LCOR: variants seen among roughly 807,000 people sequenced by gnomAD.
The protein encoded by LCOR is ligand-dependent corepressor.
In LCOR, 14 loss-of-function variants were observed where a neutral mutation model predicts 64.4. That is an observed-to-expected ratio of 0.22 (90% CI 0.14 to 0.34). LCOR has a LOEUF of 0.34. Among genes scored for constraint, LCOR ranks in the 10% least tolerant of loss-of-function variants. The probability of loss-of-function intolerance (pLI) is 1.00; values close to 1 mark genes in which losing one functional copy is unlikely to be tolerated. For synonymous variants in LCOR, 643 were observed against 642.5 expected, an observed-to-expected ratio of 1.00 and a Z score of -0.01; for missense variants, 1,686 against 1,765.3, an observed-to-expected ratio of 0.96 and a Z score of 0.80.
chr10:96,957,339 AT>A lies in LCOR; in HGVS notation c.332+5144del, dbSNP rs1228168104. ...TGTTTGTATAAGCACTCCTTGAAGA[AT>A]ATCTAAGCTTTTTCTGAGATGGGCT... On this transcript the variant is annotated intron_variant, in intron 7 of 7. Coordinates refer to ENST00000421806, the MANE Select transcript of LCOR (RefSeq NM_001346516.2). The A allele has an allele frequency of 1.1e-5, 11 of 985,080 alleles. No individual in the cohort carries two copies. In the East Asian group the frequency reaches 1.2e-3, roughly 112 times the overall value. The allele number at this position is 985,080 out of a possible 1,614,324, so 61.0% of individuals were successfully genotyped here. A position where few individuals can be genotyped will look rare whatever the true frequency, so the allele number is the denominator to read the frequency against.
At chr10:96,978,431 C>T (rs537078783) in intron 7 of LCOR, among the ~76,000 whole-genome samples, 1 of 152,330 alleles carries the variant, frequency 6.6e-6, no homozygotes, top group Non-Finnish European at 1.5e-5. Flanking sequence ...CTGCTTTCGT[C>T]TTTTCTTTCC....
At chr10:96,840,159 T>C (rs1321932698) in intron 2 of LCOR, among the ~76,000 whole-genome samples, 1 of 152,252 alleles carries the variant, frequency 6.6e-6, no homozygotes, top group African/African-American at 2.4e-5. Flanking sequence ...TGGCCGAATT[T>C]AAGAATCTTT....
At chr10:96,956,509 T>C in intron 7 of LCOR, 1 of 982,818 alleles carries the variant, frequency 1.0e-6, no homozygotes, top group Non-Finnish European at 1.2e-6. Context: ...CATTTATAGT[T>C]ACATTTTATA....
chr10:96,918,354 A>G (rs2134468199), intron 4 of LCOR, among the ~76,000 whole-genome samples: 1 of 152,234 alleles, frequency 6.6e-6, no homozygotes, highest in Admixed American at 6.5e-5. Context: ...AACATACTAC[A>G]ATGGGCTTTG....
intron 7 of LCOR, chr10:96,957,321 A>AT: frequency 1.0e-6 from 1 of 985,204 alleles, no homozygotes; most frequent in Non-Finnish European, 1.2e-6. Context: ...TCATGTTTGT[A>AT]TAAGCACTCC....
chr10:96,888,363 CAAAAAAAAAAAAAAAAAAA>C (rs61076542), intron 2 of LCOR, among the ~76,000 whole-genome samples: 1 of 30,544 alleles, frequency 3.3e-5, no homozygotes, highest in Non-Finnish European at 5.3e-5. Flanking sequence ...GACTCCGTCT[CAAAAAAAAAAAAAAAAAAA>C]AAAAAAAAAG....
At chr10:96,907,358 A>G (rs1200574474) in intron 3 of LCOR, 28 bp downstream of exon 3, 1 of 840,398 alleles carries the variant, frequency 1.2e-6, no homozygotes, top group Non-Finnish European at 1.4e-6. Context: ...GGTATTTCAA[A>G]TTCTTCCTGG....
intron 2 of LCOR, among the ~76,000 whole-genome samples, chr10:96,862,968 C>T (rs1678234876): frequency 1.3e-5 from 2 of 151,114 alleles, no homozygotes; most frequent in Non-Finnish European, 2.9e-5. Context: ...GCAACCTCTG[C>T]CTCCTGGGTT....
intron 2 of LCOR, among the ~76,000 whole-genome samples, chr10:96,895,876 A>C (rs1355023235): frequency 6.6e-6 from 1 of 152,226 alleles, no homozygotes; most frequent in Non-Finnish European, 1.5e-5. Context: ...TGAGACCAGG[A>C]GTTTGAGACC....
chr10:96,932,228 A>G (rs1054370682), intron 4 of LCOR, among the ~76,000 whole-genome samples: 7 of 152,156 alleles, frequency 4.6e-5, no homozygotes, highest in African/African-American at 1.7e-4. Context: ...TGTTTATAGA[A>G]CTATTATGAT....
At chr10:96,871,530 A>T (rs1047596059) in intron 2 of LCOR, among the ~76,000 whole-genome samples, 1 of 150,492 alleles carries the variant, frequency 6.6e-6, no homozygotes, top group African/African-American at 2.4e-5. Context: ...CTCCAACCTT[A>T]GCCTTGAGAG....
intron 2 of LCOR, among the ~76,000 whole-genome samples, chr10:96,886,125 C>A (rs1846339453): frequency 6.6e-6 from 1 of 152,044 alleles, no homozygotes; most frequent in Non-Finnish European, 1.5e-5. Flanking sequence ...TGATCTGCCC[C>A]ACTTGGCCTC....
intron 6 of LCOR, among the ~76,000 whole-genome samples, chr10:96,951,259 T>C (rs145477374): frequency 3.3e-5 from 5 of 152,304 alleles, no homozygotes; most frequent in Admixed American, 2.6e-4. Context: ...GAAAGTCTTC[T>C]AATTTTATAT....
At chr10:96,904,273 GC>G (rs1488166955) in intron 2 of LCOR, among the ~76,000 whole-genome samples, 1 of 152,180 alleles carries the variant, frequency 6.6e-6, no homozygotes, top group Non-Finnish European at 1.5e-5. Flanking sequence ...AAGGTGAGAT[GC>G]AGAGGCTTCA....
intron 7 of LCOR, among the ~76,000 whole-genome samples, chr10:96,969,774 CTTTT>C (rs58881683): frequency 8.1e-6 from 1 of 124,108 alleles, no homozygotes; most frequent in East Asian, 2.3e-4. Context: ...TTTTTTTTTT[CTTTT>C]TTTTTTTTTT....
intron 2 of LCOR, among the ~76,000 whole-genome samples, chr10:96,852,528 T>C (rs924139327): frequency 6.6e-6 from 1 of 152,204 alleles, no homozygotes; most frequent in Non-Finnish European, 1.5e-5. Flanking sequence ...CCCCAAGATA[T>C]CTCATTATGT....
chr10:96,841,967 C>T (rs1196101122), intron 2 of LCOR, among the ~76,000 whole-genome samples: 2 of 151,748 alleles, frequency 1.3e-5, no homozygotes, highest in South Asian at 4.2e-4. Flanking sequence ...TCATGATTAG[C>T]TTATTTTTCA....
intron 2 of LCOR, among the ~76,000 whole-genome samples, chr10:96,874,194 T>C (rs1255991606): frequency 6.6e-6 from 1 of 152,236 alleles, no homozygotes; most frequent in Non-Finnish European, 1.5e-5. Context: ...TTGTAAGTTG[T>C]CTTGCACAAT....
At chr10:96,937,971 C>T (rs535570877) in intron 4 of LCOR, among the ~76,000 whole-genome samples, 1 of 152,280 alleles carries the variant, frequency 6.6e-6, no homozygotes, top group South Asian at 2.1e-4. Context: ...TTGAGGGTCT[C>T]GCCCTGGTCT....
Sources: allele counts gnomAD v4.1 joint callset (sites outside exome capture counted in the v4.1 genomes callset), GRCh38; gene constraint gnomAD v4.1.1; transcripts MANE v1.5; gene names NCBI Gene and HGNC (gene_info 2026-07-23, HGNC 2026-07-21).